Variants in SDHB observed in about 807,000 individuals in gnomAD.
SDHB encodes the protein succinate dehydrogenase [ubiquinone] iron-sulfur subunit, mitochondrial.
In SDHB, 21 loss-of-function variants were observed where a neutral mutation model predicts 39.7. That is an observed-to-expected ratio of 0.53 (90% CI 0.37 to 0.76). The LOEUF (loss-of-function observed/expected upper bound fraction) is 0.76. Among genes scored for constraint, SDHB ranks in the 30% least tolerant of loss-of-function variants. The pLI, the probability that SDHB is intolerant of heterozygous loss-of-function variation, is 0.00. For missense variants in SDHB, 343 were observed against 350.9 expected, an observed-to-expected ratio of 0.98 and a Z score of 0.18; for synonymous variants, 118 against 117.0, an observed-to-expected ratio of 1.01 and a Z score of -0.06.
chr1:17,031,685 C>T (rs1462900617), intron 3 of SDHB, among the ~76,000 whole-genome samples: 1 of 152,112 alleles, frequency 6.6e-6, no homozygotes, highest in Non-Finnish European at 1.5e-5. Flanking sequence ...AAATGTACAG[C>T]TGAACAGATA....
chr1:17,051,564 G>A (rs922034899), intron 1 of SDHB, among the ~76,000 whole-genome samples: 11 of 152,118 alleles, frequency 7.2e-5, no homozygotes, highest in African/African-American at 2.7e-4. Context: ...AAGTGTGATT[G>A]GTGATGCTTG....
At position 17,033,160 on chromosome 1, in the gene SDHB, T is replaced by A; in HGVS notation, c.201-15A>T. 1 of 1,574,648 alleles carries A rather than the reference T, an allele frequency of 6.4e-7. No homozygotes were observed. Among genetic ancestry groups the A allele is most frequent in the South Asian group, 1.1e-5 (1 of 90,186 alleles). ...TGGGGCCACATCTAACAAAGAAAAA[T>A]ATCCAGTGGTATTTATGTAACGTTC... On this transcript the variant is annotated splice_polypyrimidine_tract_variant and intron_variant, in intron 2 of 7. Coordinates refer to ENST00000375499, the MANE Select transcript of SDHB (RefSeq NM_003000.3).
At chr1:17,027,518 G>A (rs554396159) in intron 5 of SDHB, 11 of 530,898 alleles carry the variant, frequency 2.1e-5, no homozygotes, top group Non-Finnish European at 3.4e-5. Flanking sequence ...GCAACCACCC[G>A]CCCCTGCAGG....
intron 3 of SDHB, among the ~76,000 whole-genome samples, chr1:17,031,577 A>G (rs2078022977): frequency 6.6e-6 from 1 of 152,240 alleles, no homozygotes; most frequent in South Asian, 2.1e-4. Context: ...CCTGAACAGC[A>G]GGACTCAGCC....
intron 7 of SDHB, 31 bp from the exon 8 acceptor site, chr1:17,018,989 A>G: frequency 6.6e-7 from 1 of 1,518,466 alleles, no homozygotes; most frequent in Non-Finnish European, 9.1e-7. Context: ...TCAATAACAA[A>G]TGATAACTGA....
At chr1:17,024,560 C>T (rs943236920) in intron 5 of SDHB, among the ~76,000 whole-genome samples, 19 of 152,174 alleles carry the variant, frequency 1.2e-4, no homozygotes, top group Non-Finnish European at 5.9e-5. Context: ...GGAGGCCCTG[C>T]GCCTTACACG....
chr1:17,052,318 A>T (rs1440918228), intron 1 of SDHB: 1 of 152,230 alleles, frequency 6.6e-6, no homozygotes, highest in African/African-American at 2.4e-5. Flanking sequence ...CTGAACCTGA[A>T]TGTTACCCAC....
rs962717797 is a variant in SDHB at position 17,054,007 on chromosome 1, C to T, written c.13G>A (p.Val5Ile). 6.2e-7 allele frequency: 1 copy of T among 1,610,730 alleles called. No individual in the cohort carries two copies. The highest frequency in any genetic ancestry group is 1.1e-5 in the South Asian group (1 of 90,596). The change falls in exon 1 of 8, where the codon GTC becomes ATC. Residue 5 changes from valine (V) to isoleucine (I), a missense_variant. Physicochemically the swap from Val to Ile is conservative, Grantham distance 29. Transcript: ENST00000375499. MAAV[V>I]ALSLRRRLPA... ...AACCGGCGCCTCAAGGAGAGGGCGA[C>T]CACCGCCGCCATCTTGGCTCCTGAC...
chr1:17,049,452 A>G (rs1457315330), intron 1 of SDHB, among the ~76,000 whole-genome samples: 1 of 151,732 alleles, frequency 6.6e-6, no homozygotes, highest in Non-Finnish European at 1.5e-5. Flanking sequence ...CATGTGCCAT[A>G]AAGTCCAGCT....
Position 17,021,637 on chromosome 1 carries a change from C to T in SDHB, c.765+971G>A, listed in dbSNP as rs950789735. 9.2e-5 allele frequency among the ~76,000 whole-genome samples: 14 copies of T among 151,948 alleles called. No homozygotes were observed. In the East Asian group the frequency reaches 1.4e-3, roughly 15 times the overall value. On this transcript the variant is annotated intron_variant, in intron 7 of 7. Coordinates refer to ENST00000375499, the MANE Select transcript of SDHB (RefSeq NM_003000.3). ...GTGCCTGCCTGTAATCCCAGCTACTCGGGAGGCGAATGCAGGAGAATCACT... is the reference window on the plus strand; with the variant it reads ...GTGCCTGCCTGTAATCCCAGCTACTTGGGAGGCGAATGCAGGAGAATCACT...
At chr1:17,048,108 C>G (rs145315470) in intron 1 of SDHB, among the ~76,000 whole-genome samples, 1 of 152,162 alleles carries the variant, frequency 6.6e-6, no homozygotes. Context: ...ACTAACATTG[C>G]CCTTTTATAG....
intron 3 of SDHB, among the ~76,000 whole-genome samples, chr1:17,031,828 G>T (rs957269242): frequency 6.6e-6 from 1 of 152,144 alleles, no homozygotes; most frequent in Non-Finnish European, 1.5e-5. Context: ...AGCCAAGTCA[G>T]TGCCTGAGAG....
chr1:17,032,704 A>AT (rs1557742750), intron 3 of SDHB: 20 of 349,654 alleles, frequency 5.7e-5, no homozygotes, highest in Non-Finnish European at 1.1e-5. Flanking sequence ...CTGGACAAGC[A>AT]TAAGTGCCAG....
intron 5 of SDHB, among the ~76,000 whole-genome samples, chr1:17,025,407 ATTCT>A (rs2077986162): frequency 8.3e-6 from 1 of 120,682 alleles, no homozygotes; most frequent in Middle Eastern, 4.3e-3. Flanking sequence ...GGAATTATAA[ATTCT>A]TTTTTTTTTT....
intron 2 of SDHB, among the ~76,000 whole-genome samples, chr1:17,041,045 G>A (rs915395504): frequency 2.0e-5 from 3 of 152,104 alleles, no homozygotes; most frequent in African/African-American, 7.2e-5. Flanking sequence ...TGGGAGAATC[G>A]CTTGAGCCTG....
chr1:17,051,481 A>T (rs745343603), intron 1 of SDHB, among the ~76,000 whole-genome samples: 10 of 152,142 alleles, frequency 6.6e-5, no homozygotes, highest in Non-Finnish European at 1.5e-4. Context: ...AGGTGGGGAA[A>T]TAGAGAGGAA....
chr1:17,031,726 T>C (rs1269830087), intron 3 of SDHB, among the ~76,000 whole-genome samples: 1 of 152,192 alleles, frequency 6.6e-6, no homozygotes, highest in Non-Finnish European at 1.5e-5. Context: ...AATACTGGCT[T>C]TTCCTTTTTT....
In SDHB at chr1:17,022,593, ACCAG is replaced by A. The variant is rs1292128028; in HGVS notation, c.765+11_765+14del. ...CAGCTCTGAGGCAGAGCTGAGGGTC[ACCAG>A]CCCCACGTACCTTAGGACAGGTCCT... On this transcript the variant is annotated intron_variant, in intron 7 of 7. Coordinates refer to ENST00000375499, the MANE Select transcript of SDHB (RefSeq NM_003000.3). 1 of 1,613,484 alleles carries A rather than the reference ACCAG, an allele frequency of 6.2e-7. No individual in the cohort carries two copies. Among genetic ancestry groups the A allele is most frequent in the Non-Finnish European group, 8.5e-7 (1 of 1,179,544 alleles).
intron 2 of SDHB, among the ~76,000 whole-genome samples, chr1:17,042,650 T>C (rs2078087275): frequency 6.6e-6 from 1 of 152,072 alleles, no homozygotes; most frequent in Admixed American, 6.6e-5. Flanking sequence ...TGGTGGCATG[T>C]GCCTATAGTC....
Sources: gnomAD v4.1 joint callset for allele counts (sites outside exome capture counted in the v4.1 genomes callset) on GRCh38, gnomAD v4.1.1 for gene constraint, MANE v1.5 for transcripts, NCBI Gene and HGNC (gene_info 2026-07-23, HGNC 2026-07-21) for gene names.